Variants in ATP8A1 observed in about 807,000 individuals in gnomAD.
ATP8A1 encodes the protein ATPase phospholipid transporting 8A1, also known as phospholipid-transporting ATPase IA.
In ATP8A1, 90 loss-of-function variants were observed where a neutral mutation model predicts 177.7. That is an observed-to-expected ratio of 0.51 (90% confidence interval 0.43 to 0.60). The LOEUF (loss-of-function observed/expected upper bound fraction) is 0.60. ATP8A1 is among the 20% of genes least tolerant of loss of function. ATP8A1 has a pLI of 0.00. For missense variants in ATP8A1, 1,072 were observed against 1,392.8 expected (o/e 0.77, Z 3.67); for synonymous variants, 493 against 485.9 (o/e 1.01, Z -0.19).
intron 33 of ATP8A1, among the ~76,000 whole-genome samples, chr4:42,434,859 C>T (rs1421025294): frequency 6.6e-6 from 1 of 152,214 alleles, no homozygotes; most frequent in Non-Finnish European, 1.5e-5. Context: ...GTTGGCAGTA[C>T]AGTAAGTTAA....
At chr4:42,506,167 C>T (rs1478946273) in intron 23 of ATP8A1, among the ~76,000 whole-genome samples, 1 of 152,126 alleles carries the variant, frequency 6.6e-6, no homozygotes, top group Non-Finnish European at 1.5e-5. Flanking sequence ...TGTGTTCCCC[C>T]CAAATTCATA....
chr4:42,646,268 C>A (rs973484193), intron 1 of ATP8A1, among the ~76,000 whole-genome samples: 1 of 152,120 alleles, frequency 6.6e-6, no homozygotes, highest in African/African-American at 2.4e-5. Flanking sequence ...CAAGGCAGGC[C>A]CCCCCATCCT....
intron 24 of ATP8A1, 138 bp downstream of exon 24, chr4:42,503,312 T>G: frequency 2.0e-6 from 1 of 509,750 alleles, no homozygotes. Flanking sequence ...ACAGAGTACA[T>G]TATGTTAAAA....
chr4:42,571,184 C>T (rs545794478), intron 14 of ATP8A1, among the ~76,000 whole-genome samples: 79 of 152,172 alleles, frequency 5.2e-4, no homozygotes, highest in African/African-American at 1.7e-3. Flanking sequence ...TGAAATTTCT[C>T]GTGGTGAGTC....
chr4:42,526,335 A>C (rs1202338799), intron 20 of ATP8A1, among the ~76,000 whole-genome samples: 5 of 152,292 alleles, frequency 3.3e-5, no homozygotes, highest in African/African-American at 1.2e-4. Flanking sequence ...AAATGAATAA[A>C]CATTGTGAAG....
At chr4:42,537,346 G>A (rs773336550) in intron 20 of ATP8A1, among the ~76,000 whole-genome samples, 1 of 151,436 alleles carries the variant, frequency 6.6e-6, no homozygotes, top group Non-Finnish European at 1.5e-5. Context: ...GCATTCCCCC[G>A]AGAACTGGAA....
rs376966152 is a variant in ATP8A1 at position 42,479,996 on chromosome 4, TTG to T, written c.2324+5498_2324+5499del. On this transcript the variant is annotated intron_variant, in intron 25 of 36. Coordinates refer to ENST00000381668, the MANE Select transcript of ATP8A1 (RefSeq NM_006095.2). Reference sequence around the variant, plus strand: ...AGAATTATGTAATCTGCAGTTCTGCTTGTGTGTGTGTGTGTGTGTGTGTGTGT... The same window carrying T: ...AGAATTATGTAATCTGCAGTTCTGCTTGTGTGTGTGTGTGTGTGTGTGTGT... Among the ~76,000 whole-genome samples, 665 of 135,630 alleles carry T rather than the reference TTG, an allele frequency of 4.9e-3. 6 individuals are homozygous for T. Among genetic ancestry groups the T allele is most frequent in the African/African-American group, 0.014 (493 of 35,764 alleles). 89.0% of individuals were successfully genotyped at this position (135,630 alleles called of 152,430 possible). A position where few individuals can be genotyped will look rare whatever the true frequency, so the allele number is the denominator to read the frequency against.
intron 1 of ATP8A1, among the ~76,000 whole-genome samples, chr4:42,646,891 G>A (rs181989538): frequency 6.6e-6 from 1 of 152,242 alleles, no homozygotes; most frequent in Admixed American, 6.5e-5. Context: ...CTATACAGTT[G>A]TCCCTTTAGC....
chr4:42,509,176 C>G lies in ATP8A1; in HGVS notation c.1948-2022G>C, dbSNP rs569356136. 2.0e-5 allele frequency among the ~76,000 whole-genome samples: 3 copies of G among 152,204 alleles called. No individual in the cohort carries two copies. The East Asian group carries it at 5.8e-4, about 29-fold the overall frequency. On this transcript the variant is annotated intron_variant, in intron 22 of 36. Transcript: ENST00000381668. ...ACCTCAACTCATTCTCCTGACCTCT[C>G]CCAATGTCCCAAGGTATAATTATAA...
chr4:42,636,171 CAT>C (rs1739371403), intron 1 of ATP8A1, among the ~76,000 whole-genome samples: 9 of 136,990 alleles, frequency 6.6e-5, no homozygotes, highest in African/African-American at 2.5e-4. Context: ...CACACACACA[CAT>C]AAGCTTCTTA....
At chr4:42,477,839 T>G (rs1236456373) in intron 25 of ATP8A1, among the ~76,000 whole-genome samples, 1 of 148,162 alleles carries the variant, frequency 6.7e-6, no homozygotes, top group Non-Finnish European at 1.5e-5. Flanking sequence ...AAAAATTAGC[T>G]GGGAGTAGTG....
intron 1 of ATP8A1, among the ~76,000 whole-genome samples, chr4:42,652,694 C>T (rs2109589301): frequency 6.6e-6 from 1 of 152,238 alleles, no homozygotes; most frequent in East Asian, 1.9e-4. Flanking sequence ...CTTTCCCGTG[C>T]TGTTCTCATG....
At chr4:42,572,753 A>G (rs1000622973) in intron 14 of ATP8A1, among the ~76,000 whole-genome samples, 5 of 152,204 alleles carry the variant, frequency 3.3e-5, no homozygotes. Flanking sequence ...ATTATGTTAG[A>G]TTTCGTATCT....
chr4:42,498,951 T>C lies in ATP8A1; in HGVS notation c.2151+4499A>G, dbSNP rs73160961. Among the ~76,000 whole-genome samples the C allele has an allele frequency of 6.6e-3, 999 of 152,326 alleles. 11 individuals are homozygous for C. The highest frequency in any genetic ancestry group is 0.023 in the African/African-American group (949 of 41,574). ...CCTTCTAGATTCTTTATCTGTAAAA[T>C]GGGCATACTAGTATCTACTTATAAC... is the stretch of plus-strand genomic sequence containing the variant. On this transcript the variant is annotated intron_variant, in intron 24 of 36. Coordinates refer to ENST00000381668, the MANE Select transcript of ATP8A1 (RefSeq NM_006095.2).
intron 6 of ATP8A1, among the ~76,000 whole-genome samples, chr4:42,592,252 C>A (rs1218224004): frequency 6.6e-6 from 1 of 152,078 alleles, no homozygotes; most frequent in Non-Finnish European, 1.5e-5. Flanking sequence ...CATATTAAGA[C>A]ACAGAAACTA....
rs573508838 is a variant in ATP8A1, at chr4:42,644,657, A to G, written c.49+12168T>C. Among the ~76,000 whole-genome samples, 171 of 152,098 alleles carry G rather than the reference A, an allele frequency of 1.1e-3. 1 individual carries two copies. Among genetic ancestry groups the G allele is most frequent in the African/African-American group, 3.8e-3 (158 of 41,486 alleles). On this transcript the variant is annotated intron_variant, in intron 1 of 36. Coordinates refer to ENST00000381668, the MANE Select transcript of ATP8A1 (RefSeq NM_006095.2). The stretch of plus-strand genomic sequence containing the variant: ...CAGAGCGTCAAGTGATAATCTTCCC[A>G]CCCGGCAGTGGCCACCAGCAGCATC...
At chr4:42,628,829 A>C (rs949024185) in intron 1 of ATP8A1, among the ~76,000 whole-genome samples, 9 of 152,174 alleles carry the variant, frequency 5.9e-5, no homozygotes, top group Non-Finnish European at 1.2e-4. Context: ...GCCTCAAAAA[A>C]ACCAGCTCTT....
At chr4:42,480,292 T>C (rs9790507) in intron 25 of ATP8A1, among the ~76,000 whole-genome samples, 108,795 of 151,936 alleles carry the variant, frequency 0.72, 39,225 homozygotes, top group Middle Eastern at 0.76. Context: ...CAGATGATTA[T>C]TATGTTAAAG....
chr4:42,414,891 T>C, intron 35 of ATP8A1, 173 bp from the exon 36 acceptor site: 1 of 591,524 alleles, frequency 1.7e-6, no homozygotes, highest in Non-Finnish European at 3.0e-6. Flanking sequence ...TTCAAGTATT[T>C]AGACAGACTT....
Sources: gnomAD v4.1 joint callset for allele counts (sites outside exome capture counted in the v4.1 genomes callset) on GRCh38, gnomAD v4.1.1 for gene constraint, MANE v1.5 for transcripts, NCBI Gene and HGNC (gene_info 2026-07-23, HGNC 2026-07-21) for gene names.